Variants in APPBP2 observed in about 807,000 individuals in gnomAD.
APPBP2 encodes the protein amyloid beta precursor protein binding protein 2.
A neutral mutation model predicts 76.0 loss-of-function variants in APPBP2; 15 were observed. The ratio of observed to expected loss-of-function variants is 0.20; its 90% CI spans 0.13 to 0.30. The LOEUF (loss-of-function observed/expected upper bound fraction) is 0.30, where lower values mean the gene tolerates loss of function less well. Ranked by LOEUF, APPBP2 falls within the 10% of genes least tolerant of loss-of-function variation. The pLI is 1.00. For missense variants in APPBP2, 401 were observed against 687.2 expected, an observed-to-expected ratio of 0.58 and a Z score of 4.66; for synonymous variants, 222 against 242.2, an observed-to-expected ratio of 0.92 and a Z score of 0.77.
At position 60,500,436 on chromosome 17, in the gene APPBP2, C is replaced by G. The variant is rs1283470001; in HGVS notation, c.190G>C (p.Glu64Gln). ...CQLGSEFCEL[E>Q]VFAKVLRALD... Reference sequence around the variant, plus strand: ...GCTCTCAGTACTTTAGCAAAAACTTCCAATTCACAAAATTCACTGCCCAGT... The same window carrying G: ...GCTCTCAGTACTTTAGCAAAAACTTGCAATTCACAAAATTCACTGCCCAGT... Residue 64 changes from glutamate (E) to glutamine (Q), a missense_variant, in exon 2 of 13, where the codon GAA becomes CAA. Physicochemically the swap from Glu to Gln is conservative, Grantham distance 29. Coordinates refer to ENST00000083182, the MANE Select transcript of APPBP2 (RefSeq NM_006380.5). The G allele has an allele frequency of 1.2e-6, 2 of 1,611,056 alleles. No homozygotes were observed. The highest frequency in any genetic ancestry group is 1.7e-6 in the Non-Finnish European group (2 of 1,178,828).
intron 1 of APPBP2, among the ~76,000 whole-genome samples, chr17:60,508,022 G>C (rs779077850): frequency 2.0e-5 from 3 of 151,368 alleles, no homozygotes; most frequent in Non-Finnish European, 4.4e-5. Flanking sequence ...ACCCAGGCTG[G>C]AGTGCAGTGG....
intron 5 of APPBP2, among the ~76,000 whole-genome samples, chr17:60,465,998 C>A (rs367988713): frequency 1.3e-5 from 2 of 152,042 alleles, no homozygotes; most frequent in African/African-American, 4.8e-5. Context: ...GCTACACATG[C>A]GGCTAATTTT....
intron 4 of APPBP2, among the ~76,000 whole-genome samples, chr17:60,467,573 G>C (rs192711124): frequency 4.9e-4 from 74 of 152,228 alleles, no homozygotes; most frequent in Admixed American, 4.8e-3. Flanking sequence ...TTATGTTCTA[G>C]TGGTGAGAAG....
At chr17:60,469,950 A>C (rs2090539891) in intron 4 of APPBP2, among the ~76,000 whole-genome samples, 3 of 152,182 alleles carry the variant, frequency 2.0e-5, no homozygotes, top group African/African-American at 7.2e-5. Flanking sequence ...ACAAACTGCC[A>C]AACTGTACTC....
intron 4 of APPBP2, among the ~76,000 whole-genome samples, chr17:60,473,388 T>C (rs1277470707): frequency 1.3e-5 from 2 of 152,196 alleles, no homozygotes; most frequent in African/African-American, 2.4e-5. Context: ...ATGCATATTT[T>C]AAAAATAGGC....
intron 4 of APPBP2, among the ~76,000 whole-genome samples, chr17:60,471,373 G>A (rs2090551403): frequency 6.6e-6 from 1 of 152,118 alleles, no homozygotes; most frequent in African/African-American, 2.4e-5. Flanking sequence ...AGTGAAAGCA[G>A]GCAACTATGT....
intron 9 of APPBP2, chr17:60,459,881 A>G (rs180968372): frequency 6.6e-6 from 1 of 152,292 alleles, no homozygotes; most frequent in Admixed American, 6.5e-5. Flanking sequence ...GGTTACAGAA[A>G]TCTGTAAACT....
At chr17:60,513,512 T>C in intron 1 of APPBP2, 1 of 537,222 alleles carries the variant, frequency 1.9e-6, no homozygotes, top group Non-Finnish European at 3.4e-6. Flanking sequence ...AGCTGAAGCT[T>C]CTCACGGAGA....
intron 3 of APPBP2, among the ~76,000 whole-genome samples, chr17:60,485,254 T>C (rs1330507651): frequency 6.6e-6 from 1 of 152,212 alleles, no homozygotes; most frequent in Non-Finnish European, 1.5e-5. Flanking sequence ...TCTCTATTGA[T>C]TGGAAAAGTT....
At position 60,460,680 on chromosome 17, in the gene APPBP2, C is replaced by A; in HGVS notation, c.1044G>T (p.Gly348=). The change falls in exon 9 of 13, where the codon GGG becomes GGT. Residue 348 remains glycine, a synonymous_variant. Coordinates refer to ENST00000083182, the MANE Select transcript of APPBP2 (RefSeq NM_006380.5). The stretch of plus-strand genomic sequence containing the variant: ...GAACTTACAGTGCATTGTCAAATTT[C>A]CCAGAGCTATACTGGTGGACATAAG... ...YSSYVHQYSS[G]KFDNALFHAE... is the part of the protein sequence containing the mutation. The A allele has an allele frequency of 6.2e-7, 1 of 1,612,272 alleles. No individual in the cohort carries two copies.
At chr17:60,486,011 G>A (rs2090674467) in intron 3 of APPBP2, among the ~76,000 whole-genome samples, 1 of 152,192 alleles carries the variant, frequency 6.6e-6, no homozygotes, top group African/African-American at 2.4e-5. Flanking sequence ...GTGTGGTTTT[G>A]AGCGACTTTC....
At chr17:60,481,035 T>C (rs1297998595) in intron 3 of APPBP2, among the ~76,000 whole-genome samples, 1 of 152,162 alleles carries the variant, frequency 6.6e-6, no homozygotes, top group African/African-American at 2.4e-5. Context: ...ACATCAGCAA[T>C]AGCCATCCAG....
chr17:60,499,833 G>A (rs374992670), intron 2 of APPBP2, among the ~76,000 whole-genome samples: 88 of 151,996 alleles, frequency 5.8e-4, no homozygotes, highest in African/African-American at 2.0e-3. Flanking sequence ...AACATTATAA[G>A]GATTCCACTT....
rs2090913360 is a variant in APPBP2 at position 60,511,555 on chromosome 17, A to G, written c.139-11068T>C. Among the ~76,000 whole-genome samples the G allele has an allele frequency of 5.3e-5, 8 of 151,370 alleles. No homozygotes were observed. In the South Asian group the frequency reaches 1.7e-3, roughly 32 times the overall value. ...AGCCGAGATCGCATCACTGTATTCCAGCCTGGCGACAGAGCAAGACTCCAT... is the reference window on the plus strand; with the variant it reads ...AGCCGAGATCGCATCACTGTATTCCGGCCTGGCGACAGAGCAAGACTCCAT... On this transcript the variant is annotated intron_variant, in intron 1 of 12. Coordinates refer to ENST00000083182, the MANE Select transcript of APPBP2 (RefSeq NM_006380.5).
In APPBP2 at chr17:60,525,973, G is replaced by A. The variant is rs558352848; in HGVS notation, c.-42C>T. On this transcript the variant is annotated 5_prime_UTR_variant, in exon 1 of 13. Coordinates refer to ENST00000083182, the MANE Select transcript of APPBP2 (RefSeq NM_006380.5). ...TCCGCCTCCTCCGCCTCCTCCTCCC[G>A]AAGGCCCCCACCTCCCTCCGTAGCG... 4 of 1,539,484 alleles carry A rather than the reference G, an allele frequency of 2.6e-6. No homozygotes were observed. Among genetic ancestry groups the A allele is most frequent in the Non-Finnish European group, 3.5e-6 (4 of 1,138,094 alleles).
intron 1 of APPBP2, among the ~76,000 whole-genome samples, chr17:60,509,279 T>G (rs1231087816): frequency 6.6e-6 from 1 of 151,678 alleles, no homozygotes; most frequent in Non-Finnish European, 1.5e-5. Context: ...ACCAGGAGGC[T>G]AAGGCAGGAG....
chr17:60,525,982 C>A lies in APPBP2; in HGVS notation c.-51G>T. On this transcript the variant is annotated 5_prime_UTR_variant, in exon 1 of 13. Coordinates refer to ENST00000083182, the MANE Select transcript of APPBP2 (RefSeq NM_006380.5). ...TCCGCCTCCTCCTCCCGAAGGCCCC[C>A]ACCTCCCTCCGTAGCGAACCCCTCT... The A allele has an allele frequency of 6.6e-7, 1 of 1,521,034 alleles. No individual in the cohort carries two copies. Among genetic ancestry groups the A allele is most frequent in the East Asian group, 2.4e-5 (1 of 41,266 alleles). The allele number at this position is 1,521,034 out of a possible 1,614,324, so 94.2% of individuals were successfully genotyped here.
At chr17:60,449,329 C>T (rs939429781) in intron 12 of APPBP2, among the ~76,000 whole-genome samples, 7 of 152,150 alleles carry the variant, frequency 4.6e-5, no homozygotes, top group Admixed American at 2.0e-4. Context: ...CGGTGGCTCA[C>T]GCCTGTAATC....
At chr17:60,460,391 G>T (rs185877093) in intron 9 of APPBP2, 14 of 192,260 alleles carry the variant, frequency 7.3e-5, no homozygotes, top group Middle Eastern at 2.1e-3. Context: ...GAGTAGACAG[G>T]GTCTCAAACT....
Sources: gnomAD v4.1 joint callset for allele counts (sites outside exome capture counted in the v4.1 genomes callset) on GRCh38, gnomAD v4.1.1 for gene constraint, MANE v1.5 for transcripts, NCBI Gene and HGNC (gene_info 2026-07-23, HGNC 2026-07-21) for gene names.